The following PTPRM variants were observed in gnomAD, a reference collection of about 807,000 sequenced individuals.
PTPRM encodes the protein protein tyrosine phosphatase receptor type M, also known as receptor-type tyrosine-protein phosphatase mu.
PTPRM carries 47 observed loss-of-function variants against 186.7 expected under a neutral mutation model. That is an observed-to-expected ratio of 0.25 (90% CI 0.20 to 0.32). PTPRM has a LOEUF of 0.32. Among genes scored for constraint, PTPRM ranks in the 10% least tolerant of loss-of-function variants. PTPRM has a pLI of 1.00. For missense variants in PTPRM, 1,494 were observed against 1,865.0 expected, an observed-to-expected ratio of 0.80 and a Z score of 3.66; for synonymous variants, 668 against 674.9, an observed-to-expected ratio of 0.99 and a Z score of 0.16.
chr18:8,134,944 G>A (rs1242841727), intron 13 of PTPRM, among the ~76,000 whole-genome samples: 1 of 152,086 alleles, frequency 6.6e-6, no homozygotes, highest in East Asian at 1.9e-4. Context: ...CACTGACTTA[G>A]GACAAGCTGT....
chr18:7,801,445 A>G (rs1399646359), intron 2 of PTPRM, among the ~76,000 whole-genome samples: 1 of 152,150 alleles, frequency 6.6e-6, no homozygotes, highest in African/African-American at 2.4e-5. Flanking sequence ...AGGCAGTAAC[A>G]TGCATAGAGC....
chr18:8,283,123 A>G (rs1158254434), intron 19 of PTPRM, among the ~76,000 whole-genome samples: 1 of 73,662 alleles, frequency 1.4e-5, no homozygotes, highest in East Asian at 3.5e-4. Flanking sequence ...TGGTGACAGG[A>G]TATTTCTTTA....
intron 3 of PTPRM, among the ~76,000 whole-genome samples, chr18:7,891,713 A>G (rs541033878): frequency 6.6e-6 from 1 of 152,174 alleles, no homozygotes; most frequent in African/African-American, 2.4e-5. Context: ...CATCTTTACT[A>G]AAAATACAAA....
At chr18:7,805,917 T>C (rs1375233603) in intron 2 of PTPRM, among the ~76,000 whole-genome samples, 1 of 152,218 alleles carries the variant, frequency 6.6e-6, no homozygotes, top group Non-Finnish European at 1.5e-5. Context: ...TAAGAATACG[T>C]ACTCAAGCTT....
chr18:7,702,593 G>A (rs951623362), intron 1 of PTPRM, among the ~76,000 whole-genome samples: 1 of 151,992 alleles, frequency 6.6e-6, no homozygotes, highest in Non-Finnish European at 1.5e-5. Flanking sequence ...CTGGATATTA[G>A]CCCTTTGTCA....
At chr18:7,851,504 C>G (rs558020697) in intron 2 of PTPRM, among the ~76,000 whole-genome samples, 46 of 152,246 alleles carry the variant, frequency 3.0e-4, no homozygotes, top group Middle Eastern at 3.4e-3. Flanking sequence ...AAAGCAGCCT[C>G]TCAGCAGAAA....
At chr18:8,266,261 A>C (rs1194828737) in intron 19 of PTPRM, among the ~76,000 whole-genome samples, 2 of 149,358 alleles carry the variant, frequency 1.3e-5, no homozygotes, top group Admixed American at 1.3e-4. Flanking sequence ...TCTAATCCCT[A>C]CTCACCCAGT....
chr18:7,786,415 G>A (rs756857769), intron 2 of PTPRM, among the ~76,000 whole-genome samples: 4 of 151,996 alleles, frequency 2.6e-5, no homozygotes, highest in Non-Finnish European at 5.9e-5. Context: ...TCTAATATGT[G>A]GTTGTTTCTT....
chr18:8,150,955 G>A (rs905438547), intron 14 of PTPRM, among the ~76,000 whole-genome samples: 22 of 152,112 alleles, frequency 1.4e-4, no homozygotes, highest in Non-Finnish European at 2.6e-4. Flanking sequence ...TATCACCAGC[G>A]GAGACAGCAG....
At chr18:8,280,701 T>C (rs543209792) in intron 19 of PTPRM, among the ~76,000 whole-genome samples, 24 of 152,318 alleles carry the variant, frequency 1.6e-4, no homozygotes, top group Middle Eastern at 3.4e-3. Flanking sequence ...ACAGCCATCA[T>C]ATCAGGCAGT....
chr18:7,957,079 G>T (rs139753653), intron 7 of PTPRM, among the ~76,000 whole-genome samples: 3,283 of 152,090 alleles, frequency 0.022, 46 homozygotes, highest in African/African-American at 0.044. Flanking sequence ...CCAAAAGCAG[G>T]TTAGAATTTC....
Position 7,567,790 on chromosome 18 carries a change from G to T in PTPRM, c.-29G>T. 6.6e-7 allele frequency: 1 copy of T among 1,512,828 alleles called. No homozygotes were observed. Among genetic ancestry groups the T allele is most frequent in the Non-Finnish European group, 8.8e-7 (1 of 1,137,534 alleles). The allele number at this position is 1,512,828 out of a possible 1,614,324, so 93.7% of individuals were successfully genotyped here. On this transcript the variant is annotated 5_prime_UTR_variant, in exon 1 of 33. Coordinates refer to ENST00000580170, the MANE Select transcript of PTPRM (RefSeq NM_001105244.2). The surrounding 1 kb of genome is among the most constrained non-coding windows in gnomAD (Gnocchi z 4.3). ...CCTCGCGCGCCCACCCACCGCCGCC[G>T]GGGAGCGGCCCGGCCCGCACTCAGC...
At chr18:7,996,996 C>G (rs1056408178) in intron 7 of PTPRM, among the ~76,000 whole-genome samples, 4 of 152,000 alleles carry the variant, frequency 2.6e-5, no homozygotes, top group African/African-American at 7.2e-5. Flanking sequence ...CATTGCAATC[C>G]CTAACAAAAT....
At position 7,810,749 on chromosome 18, in the gene PTPRM, G is replaced by A. The variant is rs555302200; in HGVS notation, c.196+36478G>A. ...CTCATGTATGTAACCTTTATAAACT[G>A]TGTTGTATTTATTAAGCCTATTTTA... On this transcript the variant is annotated intron_variant, in intron 2 of 32. Coordinates refer to ENST00000580170, the MANE Select transcript of PTPRM (RefSeq NM_001105244.2). Among the ~76,000 whole-genome samples, 241 of 152,198 alleles carry A rather than the reference G, an allele frequency of 1.6e-3. 1 individual carries two copies. Among genetic ancestry groups the A allele is most frequent in the African/African-American group, 5.7e-3 (235 of 41,510 alleles).
chr18:8,372,847 T>G (rs2148467941), intron 24 of PTPRM, among the ~76,000 whole-genome samples: 1 of 152,252 alleles, frequency 6.6e-6, no homozygotes, highest in Admixed American at 6.5e-5. Flanking sequence ...CCAAAAGCCA[T>G]CATTTAAACA....
At chr18:8,017,019 C>T (rs951320789) in intron 7 of PTPRM, among the ~76,000 whole-genome samples, 23 of 152,214 alleles carry the variant, frequency 1.5e-4, no homozygotes, top group African/African-American at 5.5e-4. Flanking sequence ...TTATATAAAC[C>T]CATACCGATT....
intron 1 of PTPRM, among the ~76,000 whole-genome samples, chr18:7,660,131 G>A (rs756868499): frequency 9.9e-5 from 15 of 152,108 alleles, no homozygotes; most frequent in Admixed American, 1.3e-4. Context: ...GAGGTCAGTA[G>A]TTCAAGACCA....
chr18:8,352,782 T>C (rs2095542775), intron 23 of PTPRM, among the ~76,000 whole-genome samples: 1 of 151,938 alleles, frequency 6.6e-6, no homozygotes, highest in Admixed American at 6.6e-5. Flanking sequence ...AGCAATTCTC[T>C]GCCTCAGCCT....
At chr18:8,271,643 T>A (rs1239502740) in intron 19 of PTPRM, among the ~76,000 whole-genome samples, 2 of 152,112 alleles carry the variant, frequency 1.3e-5, no homozygotes. Flanking sequence ...TGCTAAAATT[T>A]TAGATTACTA....
Sources: allele counts gnomAD v4.1 joint callset (sites outside exome capture counted in the v4.1 genomes callset), GRCh38; gene constraint gnomAD v4.1.1; non-coding constraint Gnocchi (gnomAD v3.1); transcripts MANE v1.5; gene names NCBI Gene and HGNC (gene_info 2026-07-23, HGNC 2026-07-21).